The following NBAS variants were observed in gnomAD, a reference collection of about 807,000 sequenced individuals.
The protein encoded by NBAS is NAG/BC035112 fusion.
In NBAS, 219 loss-of-function variants were observed where a neutral mutation model predicts 302.5. The ratio of observed to expected loss-of-function variants is 0.72; its 90% CI spans 0.65 to 0.81. The LOEUF (loss-of-function observed/expected upper bound fraction) is 0.81, where lower values mean the gene tolerates loss of function less well. Ranked by LOEUF, NBAS falls within the 30% of genes least tolerant of loss-of-function variation. The pLI is 0.00. For synonymous variants in NBAS, 1,118 were observed against 1,021.6 expected, an observed-to-expected ratio of 1.09 and a Z score of -1.80; for missense variants, 2,932 against 2,841.6, an observed-to-expected ratio of 1.03 and a Z score of -0.72.
chr2:15,552,793 A>AT lies in NBAS; in HGVS notation c.335+632dup, dbSNP rs140817288. Reference sequence around the variant, plus strand: ...GTACCAACAGAGAAAAAGCATACCTATTTTTTTTTTTTTTTTTTGAGACAG... The same window carrying AT: ...GTACCAACAGAGAAAAAGCATACCTATTTTTTTTTTTTTTTTTTTGAGACAG... On this transcript the variant is annotated intron_variant, in intron 5 of 51. Coordinates refer to ENST00000281513, the MANE Select transcript of NBAS (RefSeq NM_015909.4). 4.0e-3 allele frequency among the ~76,000 whole-genome samples: 521 copies of AT among 129,418 alleles called. 6 individuals carry two copies. The East Asian group carries it at 0.042, about 10-fold the overall frequency. 84.9% of individuals were successfully genotyped at this position (129,418 alleles called of 152,430 possible). A position where few individuals can be genotyped will look rare whatever the true frequency, so the allele number is the denominator to read the frequency against.
intron 23 of NBAS, 101 bp downstream of exon 23, chr2:15,424,214 G>T: frequency 7.7e-7 from 1 of 1,306,702 alleles, no homozygotes; most frequent in South Asian, 1.2e-5. Flanking sequence ...TTATATACAT[G>T]ATTCCTGCAC....
chr2:14,797,778 C>A, the NBAS span, among the ~76,000 whole-genome samples: 1 of 152,066 alleles, frequency 6.6e-6, no homozygotes, highest in African/African-American at 2.4e-5. Flanking sequence ...GCAGAGAAAT[C>A]CCAGCAGCCA....
At chr2:14,866,148 A>T in the NBAS span, among the ~76,000 whole-genome samples, 1 of 152,148 alleles carries the variant, frequency 6.6e-6, no homozygotes, top group Non-Finnish European at 1.5e-5. Flanking sequence ...TTCAAAGTCC[A>T]TATTGGCCAT....
chr2:15,367,723 G>A (rs940002568), intron 31 of NBAS, among the ~76,000 whole-genome samples: 2 of 152,184 alleles, frequency 1.3e-5, no homozygotes, highest in African/African-American at 4.8e-5. Flanking sequence ...ATAGGTGAGA[G>A]GGGCCAGGGA....
At chr2:14,801,387 G>A in the NBAS span, among the ~76,000 whole-genome samples, 1,317 of 151,608 alleles carry the variant, frequency 8.7e-3, 22 homozygotes, top group South Asian at 0.03. Context: ...TGTTTATATT[G>A]CTATGACTTT....
At chr2:15,431,436 C>T (rs1264066904) in intron 21 of NBAS, among the ~76,000 whole-genome samples, 1 of 152,076 alleles carries the variant, frequency 6.6e-6, no homozygotes, top group African/African-American at 2.4e-5. Flanking sequence ...GAGAAATAAA[C>T]AGGATCTTCT....
the NBAS span, among the ~76,000 whole-genome samples, chr2:15,029,512 T>A: frequency 6.6e-6 from 1 of 152,136 alleles, no homozygotes; most frequent in Non-Finnish European, 1.5e-5. Context: ...ACTAGAGTAA[T>A]TTCAGCAAAC....
At chr2:14,959,952 C>A in the NBAS span, among the ~76,000 whole-genome samples, 2 of 152,164 alleles carry the variant, frequency 1.3e-5, no homozygotes, top group Admixed American at 6.5e-5. Context: ...CAGCTGGATT[C>A]TCTGCTGTTT....
At chr2:15,285,606 T>C (rs1454625321) in intron 42 of NBAS, among the ~76,000 whole-genome samples, 19 of 152,208 alleles carry the variant, frequency 1.2e-4, no homozygotes. Flanking sequence ...ACTTGGCCTT[T>C]TCTCTCGGCT....
At chr2:14,898,360 C>G in the NBAS span, among the ~76,000 whole-genome samples, 3 of 152,150 alleles carry the variant, frequency 2.0e-5, no homozygotes, top group Non-Finnish European at 2.9e-5. Context: ...TTTCCCATGG[C>G]TAGTCATTAT....
the NBAS span, among the ~76,000 whole-genome samples, chr2:15,001,430 G>A: frequency 6.6e-6 from 1 of 151,996 alleles, no homozygotes; most frequent in East Asian, 1.9e-4. Context: ...TAAGATATTA[G>A]ACTTATTAGG....
chr2:15,497,023 G>A (rs1317043296), intron 11 of NBAS, among the ~76,000 whole-genome samples: 1 of 151,614 alleles, frequency 6.6e-6, no homozygotes, highest in Non-Finnish European at 1.5e-5. Context: ...GGACAAATAA[G>A]GTAAAACCAT....
At chr2:15,455,925 C>T (rs1183417476) in intron 21 of NBAS, among the ~76,000 whole-genome samples, 5 of 151,842 alleles carry the variant, frequency 3.3e-5, no homozygotes, top group African/African-American at 7.3e-5. Flanking sequence ...CTATAGGCAC[C>T]AAAAAATACC....
intron 23 of NBAS, among the ~76,000 whole-genome samples, chr2:15,420,985 AG>A (rs1677184284): frequency 6.6e-6 from 1 of 152,152 alleles, no homozygotes; most frequent in Non-Finnish European, 1.5e-5. Context: ...AATAAATATA[AG>A]GGGGGAACAG....
rs538304657 is a variant in NBAS, at chr2:15,347,930, C to T, written c.4179+4062G>A. Among the ~76,000 whole-genome samples, 100 of 152,268 alleles carry T rather than the reference C, an allele frequency of 6.6e-4. 1 individual carries two copies. The highest frequency in any genetic ancestry group is 1.7e-3 in the African/African-American group (72 of 41,580). The stretch of plus-strand genomic sequence containing the variant: ...TCCATTTGTACTAACATAAATGCTA[C>T]TGCATAACAATTACATCTTTATTTT... On this transcript the variant is annotated intron_variant, in intron 35 of 51. Transcript: ENST00000281513.
chr2:14,934,355 A>G, the NBAS span, among the ~76,000 whole-genome samples: 5 of 151,944 alleles, frequency 3.3e-5, no homozygotes, highest in African/African-American at 1.2e-4. Flanking sequence ...AGAAATTAGC[A>G]TATTTATTCA....
intron 42 of NBAS, among the ~76,000 whole-genome samples, chr2:15,278,083 C>A (rs1200076669): frequency 6.6e-6 from 1 of 152,132 alleles, no homozygotes; most frequent in Non-Finnish European, 1.5e-5. Flanking sequence ...TCTAAAGCAG[C>A]TCCTCTGAAA....
chr2:15,312,208 T>A (rs1671308821), intron 38 of NBAS, among the ~76,000 whole-genome samples: 1 of 152,206 alleles, frequency 6.6e-6, no homozygotes, highest in Non-Finnish European at 1.5e-5. Context: ...TTCAGTTAGG[T>A]CAGTTCTTCA....
At chr2:15,491,186 T>G (rs1680840541) in intron 11 of NBAS, among the ~76,000 whole-genome samples, 3 of 152,178 alleles carry the variant, frequency 2.0e-5, no homozygotes, top group African/African-American at 7.2e-5. Flanking sequence ...CCTCCCACCC[T>G]TCCTCCATGA....
Sources: allele counts gnomAD v4.1 joint callset (sites outside exome capture counted in the v4.1 genomes callset), GRCh38; gene constraint gnomAD v4.1.1; transcripts MANE v1.5; gene names NCBI Gene and HGNC (gene_info 2026-07-23, HGNC 2026-07-21).